Variants in MUSK observed in about 807,000 individuals in gnomAD.
MUSK encodes muscle associated receptor tyrosine kinase.
Under a neutral mutation model 88.7 loss-of-function variants are expected in MUSK, and 55 were observed. The ratio of observed to expected loss-of-function variants is 0.62; its 90% CI spans 0.50 to 0.78. The LOEUF (loss-of-function observed/expected upper bound fraction) is 0.78, where lower values mean the gene tolerates loss of function less well. Among genes scored for constraint, MUSK ranks in the 30% least tolerant of loss-of-function variants. The pLI, the probability that MUSK is intolerant of heterozygous loss-of-function variation, is 0.00. For synonymous variants in MUSK, 387 were observed against 391.9 expected (o/e 0.99, Z 0.15); for missense variants, 1,015 against 1,074.3 (o/e 0.94, Z 0.77).
chr9:110,798,873 T>C (rs2078051568), intron 14 of MUSK, among the ~76,000 whole-genome samples: 1 of 152,176 alleles, frequency 6.6e-6, no homozygotes, highest in Admixed American at 6.6e-5. Context: ...AGAAATCTTT[T>C]GTATAGTATT....
intron 5 of MUSK, among the ~76,000 whole-genome samples, chr9:110,711,049 T>C (rs956914150): frequency 2.0e-5 from 3 of 151,522 alleles, no homozygotes; most frequent in African/African-American, 7.3e-5. Flanking sequence ...AATTGAACAA[T>C]GAGAACACTT....
intron 7 of MUSK, among the ~76,000 whole-genome samples, chr9:110,754,660 G>C (rs1487851505): frequency 6.6e-6 from 1 of 152,140 alleles, no homozygotes; most frequent in African/African-American, 2.4e-5. Flanking sequence ...CTTTTCAATA[G>C]ATCTTCCTGC....
intron 5 of MUSK, chr9:110,705,945 A>G (rs1351145494): frequency 2.7e-6 from 1 of 363,854 alleles, no homozygotes; most frequent in Non-Finnish European, 5.5e-6. Context: ...ACATTCTAAG[A>G]TGCTCATTAT....
chr9:110,785,732 TG>T lies in MUSK; in HGVS notation c.1778+16del, dbSNP rs772221296. On this transcript the variant is annotated intron_variant, in intron 13 of 14. Coordinates refer to ENST00000374448, the MANE Select transcript of MUSK (RefSeq NM_005592.4). ...GTTTCAAGCAAGGTAAAGTTACCTA[TG>T]GAAAAAAAAACTCCATTGAAATATG... 3.2e-6 allele frequency: 5 copies of T among 1,572,984 alleles called. No individual in the cohort carries two copies. The highest frequency in any genetic ancestry group is 1.8e-5 in the Admixed American group (1 of 54,458).
At position 110,747,721 on chromosome 9, in the gene MUSK, A is replaced by G; in HGVS notation, c.834A>G (p.Gly278=). 1 of 1,613,738 alleles carries G rather than the reference A, an allele frequency of 6.2e-7. No homozygotes were observed. Among genetic ancestry groups the G allele is most frequent in the Non-Finnish European group, 8.5e-7 (1 of 1,179,752 alleles). Residue 278 remains glycine, a synonymous_variant, in exon 7 of 15, where the codon GGA becomes GGG. Transcript: ENST00000374448. Reference sequence around the variant, plus strand: ...TGCAGCTGTTTATCACCAAGCCAGGACTCTACACATGCATAGCTACCAATA... The same window carrying G: ...TGCAGCTGTTTATCACCAAGCCAGGGCTCTACACATGCATAGCTACCAATA... The part of the protein sequence containing the change: ...SRLQLFITKP[G]LYTCIATNKH...
At chr9:110,761,011 T>C (rs2077390132) in intron 7 of MUSK, among the ~76,000 whole-genome samples, 1 of 152,216 alleles carries the variant, frequency 6.6e-6, no homozygotes, top group Admixed American at 6.5e-5. Context: ...CAAATTGGTT[T>C]TAGACAAAGC....
chr9:110,800,318 T>C lies in MUSK; in HGVS notation c.1940T>C (p.Val647Ala). 1.2e-6 allele frequency: 2 copies of C among 1,608,774 alleles called. No homozygotes were observed. The highest frequency in any genetic ancestry group is 1.3e-5 in the African/African-American group (1 of 74,910). Residue 647 changes from valine to alanine, a missense_variant, in exon 15 of 15, where the codon GTC becomes GCC. Coordinates refer to ENST00000374448, the MANE Select transcript of MUSK (RefSeq NM_005592.4). ...NIVKLLGVCA[V>A]GKPMCLLFEY... Reference sequence around the variant, plus strand: ...CTTTTGGTTCCAGGAGTGTGTGCTGTCGGGAAGCCAATGTGCCTGCTCTTT... The same window carrying C: ...CTTTTGGTTCCAGGAGTGTGTGCTGCCGGGAAGCCAATGTGCCTGCTCTTT...
At chr9:110,769,996 T>G (rs1354518870) in intron 9 of MUSK, among the ~76,000 whole-genome samples, 1 of 152,094 alleles carries the variant, frequency 6.6e-6, no homozygotes, top group Non-Finnish European at 1.5e-5. Context: ...GTACTTTCAT[T>G]GCTAAAACCC....
rs1360025805 is a variant in MUSK at position 110,804,228 on chromosome 9, A to G, written c.*3240A>G. On this transcript the variant is annotated 3_prime_UTR_variant, in exon 15 of 15. Coordinates refer to ENST00000374448, the MANE Select transcript of MUSK (RefSeq NM_005592.4). ...TTTTATCATTATAAAAAATGCTGTA[A>G]TTAACATCCTTATTTGTTCATGTCC... is the stretch of plus-strand genomic sequence containing the variant. 6.6e-6 allele frequency among the ~76,000 whole-genome samples: 1 copy of G among 152,138 alleles called. No individual in the cohort carries two copies. The highest frequency in any genetic ancestry group is 2.4e-5 in the African/African-American group (1 of 41,432).
chr9:110,681,365 C>G (rs1389647422), intron 1 of MUSK, among the ~76,000 whole-genome samples: 2 of 149,872 alleles, frequency 1.3e-5, no homozygotes, highest in Non-Finnish European at 3.0e-5. Context: ...CAGTTTTGTT[C>G]ATTTAAACAG....
intron 5 of MUSK, among the ~76,000 whole-genome samples, chr9:110,732,249 C>G (rs532082566): frequency 1.4e-4 from 22 of 152,106 alleles, no homozygotes; most frequent in African/African-American, 4.8e-4. Flanking sequence ...TAGTCCCACA[C>G]TCAAAAAATT....
chr9:110,709,465 C>T (rs2076641457), intron 5 of MUSK, among the ~76,000 whole-genome samples: 1 of 152,108 alleles, frequency 6.6e-6, no homozygotes, highest in Non-Finnish European at 1.5e-5. Context: ...GCTTCAGTTT[C>T]CCTACTTGTA....
At chr9:110,721,219 A>G (rs1450374385) in intron 5 of MUSK, among the ~76,000 whole-genome samples, 2 of 152,178 alleles carry the variant, frequency 1.3e-5, no homozygotes, top group African/African-American at 4.8e-5. Flanking sequence ...TATTCAACAT[A>G]GTACTGGAAG....
chr9:110,681,117 ATATATATTATATATAT>A (rs1564209940), intron 1 of MUSK, among the ~76,000 whole-genome samples: 16 of 32,872 alleles, frequency 4.9e-4, no homozygotes, highest in African/African-American at 2.2e-3. Context: ...ATTATATATA[ATATATATTATATATAT>A]TATAAGGATC....
Position 110,697,089 on chromosome 9 carries a change from G to A in MUSK, c.487-236G>A, listed in dbSNP as rs7031870. On this transcript the variant is annotated intron_variant, in intron 4 of 14. Transcript: ENST00000374448. ...ATAATATATATATACACACACTCAT[G>A]GGATGAAAGAAAATAAAAATAAACT... is the stretch of plus-strand genomic sequence containing the variant. Among the ~76,000 whole-genome samples the A allele has an allele frequency of 0.16, 24,044 of 148,290 alleles. 2,042 individuals are homozygous for A. Among genetic ancestry groups the A allele is most frequent in the East Asian group, 0.21 (1,098 of 5,132 alleles).
At chr9:110,679,217 A>T (rs1438659181) in intron 1 of MUSK, among the ~76,000 whole-genome samples, 1 of 151,990 alleles carries the variant, frequency 6.6e-6, no homozygotes, top group Non-Finnish European at 1.5e-5. Context: ...ACATTTCTCC[A>T]TGTACTCTTG....
intron 5 of MUSK, among the ~76,000 whole-genome samples, chr9:110,721,594 G>T (rs1239031339): frequency 1.3e-5 from 2 of 152,178 alleles, no homozygotes; most frequent in Admixed American, 6.5e-5. Context: ...AATCATAGAT[G>T]GCACAAAGAA....
At chr9:110,791,114 T>C (rs922407259) in intron 14 of MUSK, among the ~76,000 whole-genome samples, 20 of 152,062 alleles carry the variant, frequency 1.3e-4, no homozygotes, top group African/African-American at 4.8e-4. Flanking sequence ...GGAGCCAAGA[T>C]GGCCGAATAG....
rs1554749322 is a variant in MUSK at position 110,747,786 on chromosome 9, C to T, written c.899C>T (p.Thr300Ile). Residue 300 changes from threonine (T) to isoleucine (I), a missense_variant, in exon 7 of 15, where the codon ACC becomes ATC. By Grantham distance (89) the Thr-to-Ile change is moderately conservative. Transcript: ENST00000374448. ...EKFSTAKAAA[T>I]ISIAEWSKPQ... The stretch of plus-strand genomic sequence containing the variant: ...TTCAGTACTGCCAAGGCTGCAGCCA[C>T]CATCAGCATAGCAGGTAGGATGCCC... The T allele has an allele frequency of 9.3e-6, 15 of 1,613,792 alleles. No homozygotes were observed. The highest frequency in any genetic ancestry group is 1.3e-5 in the Non-Finnish European group (15 of 1,179,760).
Sources: allele counts gnomAD v4.1 joint callset (sites outside exome capture counted in the v4.1 genomes callset), GRCh38; gene constraint gnomAD v4.1.1; transcripts MANE v1.5; gene names NCBI Gene and HGNC (gene_info 2026-07-23, HGNC 2026-07-21).